SCIMP: variants seen among roughly 807,000 people sequenced by gnomAD.
SCIMP encodes SLP adapter and CSK-interacting membrane protein.
Under a neutral mutation model 22.0 loss-of-function variants are expected in SCIMP, and 18 were observed. That is an observed-to-expected ratio of 0.82 (90% CI 0.56 to 1.21). The LOEUF (loss-of-function observed/expected upper bound fraction) is 1.21. Ranked by LOEUF, SCIMP falls within the 50% of genes most tolerant of loss-of-function variation. SCIMP has a pLI of 0.00. For synonymous variants in SCIMP, 53 were observed against 62.2 expected, an observed-to-expected ratio of 0.85 and a Z score of 0.70; for missense variants, 155 against 171.2, an observed-to-expected ratio of 0.91 and a Z score of 0.53.
chr17:5,231,354 C>T (rs367716131), intron 1 of SCIMP, among the ~76,000 whole-genome samples: 8 of 150,476 alleles, frequency 5.3e-5, no homozygotes, highest in East Asian at 3.9e-4. Context: ...GAGTGAAACT[C>T]CATCTCAAAA....
intron 3 of SCIMP, among the ~76,000 whole-genome samples, chr17:5,216,086 C>G (rs1324371274): frequency 6.6e-6 from 1 of 151,986 alleles, no homozygotes; most frequent in Non-Finnish European, 1.5e-5. Flanking sequence ...ACCTGTAGTC[C>G]CAGCTACTCA....
intron 1 of SCIMP, among the ~76,000 whole-genome samples, chr17:5,226,177 C>T (rs1489045615): frequency 5.3e-5 from 8 of 152,230 alleles, no homozygotes; most frequent in South Asian, 2.1e-4. Context: ...CGTGGAAGGT[C>T]GAGGCGGGAA....
In SCIMP at chr17:5,209,747, T is replaced by C. The variant is rs1217818931; in HGVS notation, c.*1054A>G. On this transcript the variant is annotated 3_prime_UTR_variant, in exon 5 of 5. Transcript: ENST00000574081. The stretch of plus-strand genomic sequence containing the variant: ...CTGACTCGGGCCTTGTTGACCCCAT[T>C]AGGACACTTGTTTAACAAGACATCT... 2 of 152,304 alleles carry C rather than the reference T, an allele frequency of 1.3e-5. No homozygotes were observed. The highest frequency in any genetic ancestry group is 3.9e-4 in the East Asian group (2 of 5,176). The allele number at this position is 152,304 out of a possible 1,614,324, so 9.4% of individuals were successfully genotyped here.
At chr17:5,214,612 C>T (rs1372016584) in intron 4 of SCIMP, 4 of 253,088 alleles carry the variant, frequency 1.6e-5, no homozygotes, top group Admixed American at 5.3e-5. Context: ...AGGCCGAGGC[C>T]GGTGGATCAC....
chr17:5,214,789 G>C (rs533527637), intron 4 of SCIMP, 136 bp downstream of exon 4: 1 of 589,722 alleles, frequency 1.7e-6, no homozygotes, highest in Admixed American at 3.1e-5. Flanking sequence ...GCAGTGAGCC[G>C]AGATCGTGCC....
At chr17:5,214,351 T>C (rs550026864) in intron 4 of SCIMP, 1 of 152,808 alleles carries the variant, frequency 6.5e-6, no homozygotes, top group Non-Finnish European at 1.5e-5. Flanking sequence ...GGTCAGGAAA[T>C]TTAGACCATC....
chr17:5,222,387 G>A (rs935024055), intron 2 of SCIMP, among the ~76,000 whole-genome samples: 3 of 151,708 alleles, frequency 2.0e-5, no homozygotes, highest in Admixed American at 6.6e-5. Flanking sequence ...CACCGCGCCC[G>A]GCCAGGTTGT....
At chr17:5,219,191 C>T (rs181078798) in intron 3 of SCIMP, among the ~76,000 whole-genome samples, 31 of 152,068 alleles carry the variant, frequency 2.0e-4, no homozygotes, top group Admixed American at 8.5e-4. Flanking sequence ...TGGTGGCGCG[C>T]GCCTGTAATC....
intron 4 of SCIMP, chr17:5,213,084 A>C (rs77972827): frequency 0.14 from 129,870 of 960,678 alleles, 9,044 homozygotes; most frequent in African/African-American, 0.16. Context: ...AAGGAAGAAC[A>C]TTCCAGTCAA....
intron 4 of SCIMP, chr17:5,214,591 A>T: frequency 4.4e-6 from 1 of 228,996 alleles, no homozygotes; most frequent in Non-Finnish European, 8.5e-6. Flanking sequence ...TTATAATCCC[A>T]GCACTTTGGG....
intron 1 of SCIMP, chr17:5,233,690 A>C (rs1280346996): frequency 6.6e-6 from 1 of 152,358 alleles, no homozygotes; most frequent in East Asian, 1.9e-4. Context: ...GTAGTTATTT[A>C]CCACTGAAGC....
In SCIMP at chr17:5,210,843, G is replaced by A. The variant is rs374828071; in HGVS notation, c.396C>T (p.Asp132=). 16 of 1,612,482 alleles carry A rather than the reference G, an allele frequency of 9.9e-6. No individual in the cohort carries two copies. Among genetic ancestry groups the A allele is most frequent in the African/African-American group, 2.7e-5 (2 of 74,810 alleles). Reference sequence around the variant, plus strand: ...CAGTATTTGCAGGGATTTCAACATCGTCATAGTCATCTTCAGGCTCAATGT... The same window carrying A: ...CAGTATTTGCAGGGATTTCAACATCATCATAGTCATCTTCAGGCTCAATGT... ...PSYIEPEDDY[D]DVEIPANTEK... The change falls in exon 5 of 5, where the codon GAC becomes GAT. Residue 132 remains aspartate (D), a synonymous_variant. Coordinates refer to ENST00000574081, the MANE Select transcript of SCIMP (RefSeq NM_207103.3).
chr17:5,232,028 C>T (rs1367558899), intron 1 of SCIMP, among the ~76,000 whole-genome samples: 4 of 151,876 alleles, frequency 2.6e-5, no homozygotes, highest in African/African-American at 9.7e-5. Flanking sequence ...TGCACTCCAG[C>T]CTGGGCGACA....
In SCIMP at chr17:5,221,268, A is replaced by C. The variant is rs747213992; in HGVS notation, c.209+19T>G. On this transcript the variant is annotated intron_variant, in intron 3 of 4. Transcript: ENST00000574081. ...GCAGTTCTCAACAGTAAAAAGCGGA[A>C]GGATTCCCCCCTACTTACTCATACA... 6.3e-7 allele frequency: 1 copy of C among 1,592,090 alleles called. No homozygotes were observed. Among genetic ancestry groups the C allele is most frequent in the Admixed American group, 1.7e-5 (1 of 59,966 alleles).
chr17:5,218,031 ATTT>A (rs934497671), intron 3 of SCIMP, among the ~76,000 whole-genome samples: 1 of 145,942 alleles, frequency 6.9e-6, no homozygotes, highest in African/African-American at 2.5e-5. Flanking sequence ...TCCCACCAAC[ATTT>A]TTTTTTTTTG....
intron 1 of SCIMP, among the ~76,000 whole-genome samples, chr17:5,227,447 C>G (rs1178454164): frequency 6.6e-6 from 1 of 152,130 alleles, no homozygotes; most frequent in Non-Finnish European, 1.5e-5. Context: ...AACTCCTAAT[C>G]TCAAGTGATC....
chr17:5,234,496 G>A, intron 1 of SCIMP: 1 of 570,460 alleles, frequency 1.8e-6, no homozygotes, highest in East Asian at 2.9e-5. Flanking sequence ...TACACATGAG[G>A]AAAAGGCCCA....
chr17:5,213,472 A>G (rs2074541997), intron 4 of SCIMP: 1 of 154,320 alleles, frequency 6.5e-6, no homozygotes, highest in Admixed American at 6.5e-5. Context: ...CCTGAGCTCA[A>G]GTCATCAGCC....
intron 1 of SCIMP, chr17:5,234,534 T>C (rs1389375427): frequency 1.6e-6 from 1 of 607,352 alleles, no homozygotes; most frequent in African/African-American, 1.9e-5. Context: ...CTCAGGTCAC[T>C]CAGCCAGTTA....
Sources: gnomAD v4.1 joint callset for allele counts (sites outside exome capture counted in the v4.1 genomes callset) on GRCh38, gnomAD v4.1.1 for gene constraint, MANE v1.5 for transcripts, NCBI Gene and HGNC (gene_info 2026-07-23, HGNC 2026-07-21) for gene names.